Variants in PZP observed in about 807,000 individuals in gnomAD.
PZP encodes pregnancy zone protein.
Under a neutral mutation model 179.8 loss-of-function variants are expected in PZP, and 150 were observed. The ratio of observed to expected loss-of-function variants is 0.83; its 90% CI spans 0.73 to 0.96. The LOEUF (loss-of-function observed/expected upper bound fraction) is 0.96, where lower values mean the gene tolerates loss of function less well. Among genes scored for constraint, PZP ranks in the 40% least tolerant of loss-of-function variants. The probability of loss-of-function intolerance (pLI) is 0.00; values close to 1 mark genes in which losing one functional copy is unlikely to be tolerated. For missense variants in PZP, 1,689 were observed against 1,764.0 expected (o/e 0.96, Z 0.76); for synonymous variants, 624 against 652.3 (o/e 0.96, Z 0.66).
At chr12:9,188,548 A>G (rs1157233354) in intron 13 of PZP, among the ~76,000 whole-genome samples, 1 of 152,170 alleles carries the variant, frequency 6.6e-6, no homozygotes, top group Non-Finnish European at 1.5e-5. Context: ...CAAAGAAATA[A>G]AGGGCATCAG....
intron 28 of PZP, among the ~76,000 whole-genome samples, chr12:9,155,492 A>G (rs536503274): frequency 0.013 from 2,020 of 151,640 alleles, 33 homozygotes; most frequent in Non-Finnish European, 0.019. Flanking sequence ...TGTTGTTGTT[A>G]TTGTTGTTGT....
chr12:9,202,268 T>G, intron 4 of PZP, 51 bp downstream of exon 4: 2 of 1,473,214 alleles, frequency 1.4e-6, no homozygotes, highest in Non-Finnish European at 1.9e-6. Flanking sequence ...TCACTCTGGG[T>G]GAGTATTCCC....
chr12:9,155,922 T>C (rs1407584108), intron 28 of PZP: 1 of 159,792 alleles, frequency 6.3e-6, no homozygotes. Context: ...ATCTATGGAG[T>C]CACACCATCC....
intron 14 of PZP, 103 bp from the exon 15 acceptor site, chr12:9,181,235 A>G (rs774392855): frequency 5.0e-6 from 7 of 1,395,728 alleles, no homozygotes; most frequent in South Asian, 1.3e-5. Flanking sequence ...TCATATGACT[A>G]TGTTGGTAAT....
At position 9,168,924 on chromosome 12, in the gene PZP, C is replaced by G. The variant is rs200273854; in HGVS notation, c.2052G>C (p.Ser684=). The change falls in exon 17 of 36, where the codon TCG becomes TCC. Residue 684 remains serine, a synonymous_variant. Transcript: ENST00000261336. ...FTNSKIRKPK[S]CSVIPSVSAG... ...CAGACACGGAAGGGATGACTGAACA[C>G]GACTTTGGTTTTCGGATTTTTGAGT... 2.4e-4 allele frequency: 380 copies of G among 1,614,058 alleles called. 1 individual carries two copies. The highest frequency in any genetic ancestry group is 3.2e-4 in the Non-Finnish European group (373 of 1,179,962).
At chr12:9,194,793 C>T (rs1943673730) in intron 10 of PZP, among the ~76,000 whole-genome samples, 1 of 152,134 alleles carries the variant, frequency 6.6e-6, no homozygotes, top group African/African-American at 2.4e-5. Context: ...ATAACTACAA[C>T]TTGCCACTTA....
Position 9,164,186 on chromosome 12 carries a change from A to T in PZP, c.2561T>A (p.Ile854Asn). Residue 854 changes from isoleucine to asparagine, a missense_variant, in exon 20 of 36, where the codon ATC becomes AAC. Coordinates refer to ENST00000261336, the MANE Select transcript of PZP (RefSeq NM_002864.3). ...QNTKGEESYC[I>N]CGNERQTLSW... ...CAAGGTTTGTCTCTCATTTCCACAGATACAATAGGATTCTTCTCCCTTTGT... is the reference window on the plus strand; with the variant it reads ...CAAGGTTTGTCTCTCATTTCCACAGTTACAATAGGATTCTTCTCCCTTTGT... The T allele has an allele frequency of 6.2e-7, 1 of 1,610,124 alleles. No individual in the cohort carries two copies. The highest frequency in any genetic ancestry group is 8.5e-7 in the Non-Finnish European group (1 of 1,176,346).
At chr12:9,195,688 A>G (rs931888125) in intron 10 of PZP, among the ~76,000 whole-genome samples, 1 of 141,188 alleles carries the variant, frequency 7.1e-6, no homozygotes, top group Non-Finnish European at 1.5e-5. Flanking sequence ...TCCTGGCCTC[A>G]GGCGATCCTC....
At chr12:9,198,150 A>C (rs1357656062) in intron 7 of PZP, among the ~76,000 whole-genome samples, 1 of 151,142 alleles carries the variant, frequency 6.6e-6, no homozygotes, top group Non-Finnish European at 1.5e-5. Flanking sequence ...AAAGTTCCCA[A>C]CTAGCATGGG....
chr12:9,150,632 TC>T lies in PZP; in HGVS notation c.4384+11del. On this transcript the variant is annotated intron_variant, in intron 34 of 35. Transcript: ENST00000261336. ...GCTCTGGTTAAGATTGTTTCATTTT[TC>T]TTTCACTCACCTGTCTCATAGTAAT... 5 of 1,547,796 alleles carry T rather than the reference TC, an allele frequency of 3.2e-6. No individual in the cohort carries two copies. The highest frequency in any genetic ancestry group is 4.4e-6 in the Non-Finnish European group (5 of 1,125,842).
chr12:9,168,799 C>T, intron 17 of PZP, 70 bp downstream of exon 17: 1 of 1,169,210 alleles, frequency 8.6e-7, no homozygotes, highest in Non-Finnish European at 1.3e-6. Context: ...TACATTACCT[C>T]ATTTTAGCAT....
intron 2 of PZP, among the ~76,000 whole-genome samples, chr12:9,202,956 A>C (rs1944250166): frequency 6.6e-6 from 1 of 152,172 alleles, no homozygotes. Flanking sequence ...GTATATTCTG[A>C]AGCAATGGAG....
intron 28 of PZP, chr12:9,156,179 T>C (rs1592447625): frequency 4.8e-6 from 1 of 208,606 alleles, no homozygotes; most frequent in South Asian, 8.7e-5. Context: ...TCTTGTAGGC[T>C]TCTTTTGTGA....
Position 9,208,394 on chromosome 12 carries a change from C to T in PZP, c.-53G>A, listed in dbSNP as rs1944547276. The T allele has an allele frequency of 2.0e-5, 29 of 1,465,908 alleles. No individual in the cohort carries two copies. The highest frequency in any genetic ancestry group is 2.6e-5 in the Non-Finnish European group (27 of 1,050,248). 90.8% of individuals were successfully genotyped at this position (1,465,908 alleles called of 1,614,324 possible). On this transcript the variant is annotated 5_prime_UTR_variant, in exon 1 of 36. Coordinates refer to ENST00000261336, the MANE Select transcript of PZP (RefSeq NM_002864.3). ...CCAACTCTCTGCCCTCAGCCTCGCCCTGGAGACCAGCTGAGTTTACCAGGC... is the reference window on the plus strand; with the variant it reads ...CCAACTCTCTGCCCTCAGCCTCGCCTTGGAGACCAGCTGAGTTTACCAGGC...
At chr12:9,192,109 C>T (rs771052626) in intron 13 of PZP, 84 bp downstream of exon 13, 16 of 1,189,014 alleles carry the variant, frequency 1.3e-5, no homozygotes, top group East Asian at 2.4e-5. Flanking sequence ...ATGATGGAAA[C>T]GATTTCCCAT....
At chr12:9,197,166 G>C in intron 7 of PZP, 43 bp from the exon 8 acceptor site, 1 of 1,340,820 alleles carries the variant, frequency 7.5e-7, no homozygotes. Flanking sequence ...ATGGCTGTTT[G>C]CATTTTCCAC....
intron 17 of PZP, chr12:9,167,628 C>T (rs1312352424): frequency 1.3e-5 from 2 of 152,140 alleles, no homozygotes; most frequent in East Asian, 3.9e-4. Context: ...CAAGAAATTT[C>T]ACAAGATATT....
chr12:9,174,737 A>C (rs997895228), intron 15 of PZP, among the ~76,000 whole-genome samples: 2 of 152,214 alleles, frequency 1.3e-5, no homozygotes, highest in African/African-American at 4.8e-5. Flanking sequence ...TAAAATACCT[A>C]GGAATACAGC....
chr12:9,199,596 G>A (rs1944033418), intron 7 of PZP, among the ~76,000 whole-genome samples: 1 of 151,962 alleles, frequency 6.6e-6, no homozygotes. Flanking sequence ...AAACAAACAG[G>A]CAGATTCTGC....
Sources: gnomAD v4.1 joint callset for allele counts (sites outside exome capture counted in the v4.1 genomes callset) on GRCh38, gnomAD v4.1.1 for gene constraint, MANE v1.5 for transcripts, NCBI Gene and HGNC (gene_info 2026-07-23, HGNC 2026-07-21) for gene names.